GRID1: variants seen among roughly 807,000 people sequenced by gnomAD.
GRID1 encodes the protein glutamate receptor ionotropic, delta-1.
A neutral mutation model predicts 98.0 loss-of-function variants in GRID1; 28 were observed. The ratio of observed to expected loss-of-function variants is 0.29; its 90% CI spans 0.21 to 0.39. The LOEUF (loss-of-function observed/expected upper bound fraction) is 0.39, where lower values mean the gene tolerates loss of function less well. Among genes scored for constraint, GRID1 ranks in the 10% least tolerant of loss-of-function variants. The pLI, the probability that GRID1 is intolerant of heterozygous loss-of-function variation, is 1.00. For missense variants in GRID1, 1,111 were observed against 1,340.5 expected (o/e 0.83, Z 2.67); for synonymous variants, 553 against 538.5 (o/e 1.03, Z -0.37).
chr10:85,620,073 C>A (rs753065156), intron 13 of GRID1, 40 bp from the exon 14 acceptor site: 2 of 1,568,308 alleles, frequency 1.3e-6, no homozygotes, highest in Non-Finnish European at 1.8e-6. Flanking sequence ...GCAGTCCTGG[C>A]CAGCTGTGTC....
intron 4 of GRID1, among the ~76,000 whole-genome samples, chr10:86,130,848 T>G (rs1004854726): frequency 1.3e-5 from 2 of 152,134 alleles, no homozygotes; most frequent in African/African-American, 4.8e-5. Flanking sequence ...CACTGGGGCT[T>G]TGGGAGTCAC....
At chr10:85,971,027 C>CT (rs1271480307) in intron 4 of GRID1, among the ~76,000 whole-genome samples, 15 of 151,328 alleles carry the variant, frequency 9.9e-5, no homozygotes, top group African/African-American at 3.4e-4. Context: ...AAAATCAACT[C>CT]TATTTCTATA....
Position 86,006,012 on chromosome 10 carries a change from A to G in GRID1, c.727-89773T>C, listed in dbSNP as rs892136182. ...CTAATAAGCTAATTCTAAAATTTAC[A>G]TGGAAGAATAGCCAGTACACTTCTG... On this transcript the variant is annotated intron_variant, in intron 4 of 15. Coordinates refer to ENST00000327946, the MANE Select transcript of GRID1 (RefSeq NM_017551.3). 1.3e-5 allele frequency among the ~76,000 whole-genome samples: 2 copies of G among 152,238 alleles called. 1 individual carries two copies. Among genetic ancestry groups the G allele is most frequent in the South Asian group, 4.1e-4 (2 of 4,832 alleles).
chr10:85,964,378 T>C (rs1307970032), intron 4 of GRID1, among the ~76,000 whole-genome samples: 1 of 152,174 alleles, frequency 6.6e-6, no homozygotes. Context: ...TCATGCTACC[T>C]GACTTCAAAC....
At chr10:86,303,044 T>C (rs1847713292) in intron 2 of GRID1, among the ~76,000 whole-genome samples, 1 of 152,212 alleles carries the variant, frequency 6.6e-6, no homozygotes, top group Admixed American at 6.5e-5. Context: ...GTATAAGAGA[T>C]ATTTTGGGGG....
chr10:86,325,352 T>C (rs1165294861), intron 2 of GRID1, among the ~76,000 whole-genome samples: 2 of 152,144 alleles, frequency 1.3e-5, no homozygotes, highest in Non-Finnish European at 1.5e-5. Context: ...TCACTCACCA[T>C]CCTGCGGCCA....
intron 5 of GRID1, among the ~76,000 whole-genome samples, chr10:85,874,760 T>C (rs1235231884): frequency 2.0e-5 from 3 of 152,326 alleles, no homozygotes; most frequent in East Asian, 1.9e-4. Context: ...CACTGTTCAT[T>C]TGTTGGTGTC....
At chr10:86,026,195 C>G (rs1160197624) in intron 4 of GRID1, among the ~76,000 whole-genome samples, 2 of 152,190 alleles carry the variant, frequency 1.3e-5, no homozygotes, top group Non-Finnish European at 2.9e-5. Flanking sequence ...GATATAAGCG[C>G]CACACCACAA....
intron 4 of GRID1, among the ~76,000 whole-genome samples, chr10:86,004,042 C>T (rs1314779340): frequency 6.6e-5 from 10 of 152,200 alleles, no homozygotes; most frequent in Admixed American, 4.6e-4. Flanking sequence ...ATCCAATCAA[C>T]AGATAATCCT....
chr10:85,980,828 A>G (rs1447774790), intron 4 of GRID1, among the ~76,000 whole-genome samples: 1 of 152,230 alleles, frequency 6.6e-6, no homozygotes, highest in Non-Finnish European at 1.5e-5. Context: ...ACAGGAACTT[A>G]TGAGAGTCAC....
At chr10:85,705,324 A>G (rs992754399) in intron 12 of GRID1, among the ~76,000 whole-genome samples, 1 of 152,350 alleles carries the variant, frequency 6.6e-6, no homozygotes, top group South Asian at 2.1e-4. Flanking sequence ...AGAATACTAT[A>G]AACACCTCTA....
intron 4 of GRID1, among the ~76,000 whole-genome samples, chr10:86,106,194 T>C (rs529010142): frequency 1.3e-5 from 2 of 152,270 alleles, no homozygotes; most frequent in African/African-American, 2.4e-5. Flanking sequence ...CATGCAGGTT[T>C]ACACTGAACA....
chr10:85,730,889 A>G (rs1048369005), intron 8 of GRID1, among the ~76,000 whole-genome samples: 2 of 152,172 alleles, frequency 1.3e-5, no homozygotes, highest in Admixed American at 1.3e-4. Context: ...CATGGACCAC[A>G]ATTTAAATAG....
At chr10:86,359,944 T>C (rs577018190) in intron 2 of GRID1, among the ~76,000 whole-genome samples, 1 of 152,366 alleles carries the variant, frequency 6.6e-6, no homozygotes, top group South Asian at 2.1e-4. Context: ...TCTGTGTTAT[T>C]TGCTAACTTT....
At chr10:85,830,107 A>T (rs1842854884) in intron 8 of GRID1, among the ~76,000 whole-genome samples, 1 of 152,178 alleles carries the variant, frequency 6.6e-6, no homozygotes, top group African/African-American at 2.4e-5. Flanking sequence ...AAACAAAAAG[A>T]GACACATAGA....
At chr10:86,116,480 C>A (rs1718931368) in intron 4 of GRID1, among the ~76,000 whole-genome samples, 1 of 152,090 alleles carries the variant, frequency 6.6e-6, no homozygotes, top group African/African-American at 2.4e-5. Flanking sequence ...CTGGAAGGAT[C>A]AGGTGGCCAA....
chr10:85,761,004 T>C (rs1208388116), intron 8 of GRID1, among the ~76,000 whole-genome samples: 2 of 152,214 alleles, frequency 1.3e-5, no homozygotes, highest in Admixed American at 6.5e-5. Flanking sequence ...ACAGCACCTC[T>C]AACCTGAAGT....
At chr10:85,664,597 AG>A (rs1333207750) in intron 12 of GRID1, among the ~76,000 whole-genome samples, 1 of 152,206 alleles carries the variant, frequency 6.6e-6, no homozygotes, top group Non-Finnish European at 1.5e-5. Context: ...CAATGAGCTC[AG>A]TCTCTTCACT....
intron 12 of GRID1, among the ~76,000 whole-genome samples, chr10:85,686,069 C>T (rs1841265730): frequency 6.6e-6 from 1 of 151,834 alleles, no homozygotes; most frequent in Admixed American, 6.6e-5. Context: ...AGCTGATTTT[C>T]AATACATATA....
Sources: allele counts gnomAD v4.1 joint callset (sites outside exome capture counted in the v4.1 genomes callset), GRCh38; gene constraint gnomAD v4.1.1; transcripts MANE v1.5; gene names NCBI Gene and HGNC (gene_info 2026-07-23, HGNC 2026-07-21).